MAD1L1: variants seen among roughly 807,000 people sequenced by gnomAD.
MAD1L1 encodes the protein mitotic arrest deficient 1 like 1, also known as mitotic spindle assembly checkpoint protein MAD1.
MAD1L1 carries 95 observed loss-of-function variants against 96.9 expected under a neutral mutation model. That is an observed-to-expected ratio of 0.98 (90% confidence interval 0.83 to 1.16). The LOEUF (loss-of-function observed/expected upper bound fraction) is 1.16. MAD1L1 is among the 50% of genes most tolerant of loss of function. The pLI is 0.00. For synonymous variants in MAD1L1, 473 were observed against 396.6 expected (o/e 1.19, Z -2.29); for missense variants, 1,007 against 954.4 (o/e 1.06, Z -0.73).
At chr7:2,063,079 T>A (rs1035942629) in intron 12 of MAD1L1, among the ~76,000 whole-genome samples, 1 of 152,224 alleles carries the variant, frequency 6.6e-6, no homozygotes, top group Non-Finnish European at 1.5e-5. Context: ...AGAGCACGGC[T>A]CCGTCTGACA....
chr7:2,149,730 C>T (rs1040061831), intron 10 of MAD1L1, among the ~76,000 whole-genome samples: 1 of 152,252 alleles, frequency 6.6e-6, no homozygotes, highest in Non-Finnish European at 1.5e-5. Flanking sequence ...CTGTTGTTCA[C>T]CGTTTCCATT....
chr7:2,094,556 A>C (rs1477414936), intron 11 of MAD1L1, among the ~76,000 whole-genome samples: 3 of 152,258 alleles, frequency 2.0e-5, no homozygotes, highest in Non-Finnish European at 4.4e-5. Flanking sequence ...AGGAGGTAAC[A>C]GTTGTGAAAG....
chr7:2,018,699 T>C (rs547199857), intron 12 of MAD1L1, among the ~76,000 whole-genome samples: 2 of 152,282 alleles, frequency 1.3e-5, no homozygotes, highest in East Asian at 1.9e-4. Context: ...AGAAGTAAGC[T>C]GAGTACCGCG....
intron 15 of MAD1L1, among the ~76,000 whole-genome samples, chr7:1,972,507 C>A (rs1022444068): frequency 6.6e-6 from 1 of 152,122 alleles, no homozygotes; most frequent in Non-Finnish European, 1.5e-5. Flanking sequence ...GCTACAGGGC[C>A]TGTAGTGATG....
intron 13 of MAD1L1, among the ~76,000 whole-genome samples, chr7:2,013,842 G>C (rs565404232): frequency 6.6e-6 from 1 of 152,222 alleles, no homozygotes; most frequent in Non-Finnish European, 1.5e-5. Flanking sequence ...CAGGCCCTGC[G>C]ATACCCAGCT....
At chr7:1,908,068 C>T (rs1406605938) in intron 17 of MAD1L1, among the ~76,000 whole-genome samples, 2 of 152,196 alleles carry the variant, frequency 1.3e-5, no homozygotes, top group African/African-American at 4.8e-5. Context: ...AGTACGTTTG[C>T]CCACACACGG....
Position 2,071,768 on chromosome 7 carries a change from G to T in MAD1L1, c.1074-2430C>A, listed in dbSNP as rs1401703475. Among the ~76,000 whole-genome samples, 3 of 152,056 alleles carry T rather than the reference G, an allele frequency of 2.0e-5. No individual in the cohort carries two copies. In the East Asian group the frequency reaches 5.9e-4, roughly 30 times the overall value. ...GGAGCGCTTTCACTGTTCCTGGAGGGTGGTGGCCTCCATCAAAACCCAAAG... is the reference window on the plus strand; with the variant it reads ...GGAGCGCTTTCACTGTTCCTGGAGGTTGGTGGCCTCCATCAAAACCCAAAG... On this transcript the variant is annotated intron_variant, in intron 11 of 18. Coordinates refer to ENST00000265854, the MANE Select transcript of MAD1L1 (RefSeq NM_001013836.2).
Position 1,950,017 on chromosome 7 carries a change from G to A in MAD1L1, c.1596+7612C>T, listed in dbSNP as rs565138860. Among the ~76,000 whole-genome samples, 212 of 152,234 alleles carry A rather than the reference G, an allele frequency of 1.4e-3. 1 individual carries two copies. The highest frequency in any genetic ancestry group is 4.5e-3 in the African/African-American group (185 of 41,534). On this transcript the variant is annotated intron_variant, in intron 16 of 18. Coordinates refer to ENST00000265854, the MANE Select transcript of MAD1L1 (RefSeq NM_001013836.2). ...CAGCAGGGACAGGCTGGGGGAGATC[G>A]AGGTGCTCAGCAGTGGGTCCCTGGG...
chr7:2,091,718 G>C (rs2128545367), intron 11 of MAD1L1, among the ~76,000 whole-genome samples: 1 of 151,840 alleles, frequency 6.6e-6, no homozygotes, highest in Admixed American at 6.6e-5. Flanking sequence ...GGAGCTTGCA[G>C]TGAGCAGAGA....
chr7:2,153,195 T>C (rs1789666043), intron 10 of MAD1L1, among the ~76,000 whole-genome samples: 2 of 152,038 alleles, frequency 1.3e-5, no homozygotes, highest in South Asian at 4.1e-4. Flanking sequence ...TGGGACTACA[T>C]CAAAGTAAAA....
chr7:2,132,949 T>C (rs926007218), intron 11 of MAD1L1, among the ~76,000 whole-genome samples: 1 of 152,226 alleles, frequency 6.6e-6, no homozygotes, highest in African/African-American at 2.4e-5. Flanking sequence ...ACTTCATCAG[T>C]TACCAGGAGA....
intron 12 of MAD1L1, among the ~76,000 whole-genome samples, chr7:2,032,342 G>A (rs552771510): frequency 4.6e-5 from 7 of 152,346 alleles, no homozygotes; most frequent in African/African-American, 7.2e-5. Context: ...TCCAGCCTCC[G>A]TGAAGCCGAG....
intron 12 of MAD1L1, among the ~76,000 whole-genome samples, chr7:2,028,998 C>T (rs1230644028): frequency 3.3e-5 from 5 of 152,066 alleles, no homozygotes. Context: ...CCTGGAACAA[C>T]CTGGAGGGTG....
chr7:2,175,360 C>T (rs1790896998), intron 10 of MAD1L1: 1 of 152,144 alleles, frequency 6.6e-6, no homozygotes, highest in Admixed American at 6.6e-5. Context: ...TAGCTCTCAG[C>T]TTTCCCCACT....
rs762881519 is a variant in MAD1L1 at position 2,171,890 on chromosome 7, C to T, written c.987-22652G>A. Among the ~76,000 whole-genome samples the T allele has an allele frequency of 4.6e-5, 7 of 152,266 alleles. No individual in the cohort carries two copies. In the East Asian group the frequency reaches 1.4e-3, roughly 29 times the overall value. On this transcript the variant is annotated intron_variant, in intron 10 of 18. Transcript: ENST00000265854. The stretch of plus-strand genomic sequence containing the variant: ...AGACCACGCAGCCCAAGACCAGACC[C>T]GTAAGAGATGCCAGAAATCAGCCAC...
intron 18 of MAD1L1, among the ~76,000 whole-genome samples, chr7:1,890,695 G>C (rs1583673789): frequency 6.6e-6 from 1 of 152,280 alleles, no homozygotes; most frequent in Non-Finnish European, 1.5e-5. Flanking sequence ...GAGGAGGAGG[G>C]AGCCCCGAAA....
intron 16 of MAD1L1, among the ~76,000 whole-genome samples, chr7:1,955,684 C>G (rs1314057844): frequency 1.3e-5 from 2 of 152,164 alleles, no homozygotes; most frequent in African/African-American, 2.4e-5. Context: ...CCCTAGTGCG[C>G]AGGCCCCTCC....
At chr7:2,166,125 G>C (rs1790417612) in intron 10 of MAD1L1, among the ~76,000 whole-genome samples, 1 of 152,176 alleles carries the variant, frequency 6.6e-6, no homozygotes, top group South Asian at 2.1e-4. Context: ...CCACGACTGT[G>C]ACGTGGTCCA....
chr7:2,225,629 A>G, intron 3 of MAD1L1, 79 bp from the exon 4 acceptor site: 1 of 1,483,006 alleles, frequency 6.7e-7, no homozygotes. Context: ...TGCAGCAGAC[A>G]CACTCCCTGA....
Sources: gnomAD v4.1 joint callset for allele counts (sites outside exome capture counted in the v4.1 genomes callset) on GRCh38, gnomAD v4.1.1 for gene constraint, MANE v1.5 for transcripts, NCBI Gene and HGNC (gene_info 2026-07-23, HGNC 2026-07-21) for gene names.